The following ACBD3 variants were observed in gnomAD, a reference collection of about 807,000 sequenced individuals.
The protein encoded by ACBD3 is acyl-CoA binding domain containing 3.
Under a neutral mutation model 66.9 loss-of-function variants are expected in ACBD3, and 30 were observed. That is an observed-to-expected ratio of 0.45 (90% CI 0.34 to 0.61). The LOEUF is 0.61. ACBD3 is among the 20% of genes least tolerant of loss of function. The pLI is 0.02. For missense variants in ACBD3, 544 were observed against 664.5 expected, an observed-to-expected ratio of 0.82 and a Z score of 1.99; for synonymous variants, 278 against 259.8, an observed-to-expected ratio of 1.07 and a Z score of -0.68.
chr1:226,184,205 C>A (rs1656240365), intron 1 of ACBD3, among the ~76,000 whole-genome samples: 3 of 151,990 alleles, frequency 2.0e-5, no homozygotes, highest in Admixed American at 6.6e-5. Flanking sequence ...AAACAAAAAA[C>A]AAAACAAAGG....
rs1486374617 is a variant in ACBD3 at position 226,186,459 on chromosome 1, G to A, written c.217C>T (p.Arg73Trp). The A allele has an allele frequency of 2.0e-6, 3 of 1,504,454 alleles. No individual in the cohort carries two copies. The highest frequency in any genetic ancestry group is 5.9e-5 in the East Asian group (2 of 34,066). 93.2% of individuals were successfully genotyped at this position (1,504,454 alleles called of 1,614,324 possible). Residue 73 changes from arginine to tryptophan, a missense_variant, in exon 1 of 8, where the codon CGG (arginine) becomes TGG (tryptophan). By Grantham distance (101) the Arg-to-Trp change is moderately radical. Coordinates refer to ENST00000366812, the MANE Select transcript of ACBD3 (RefSeq NM_022735.4). ...AAAGGAAEEA[R>W]RLEQRWGFGL... ...AAACCCCAGCGCTGCTCCAGCCGCCGCGCCTCCTCCGCCGCGCCCCCAGCC... is the reference window on the plus strand; with the variant it reads ...AAACCCCAGCGCTGCTCCAGCCGCCACGCCTCCTCCGCCGCGCCCCCAGCC...
At chr1:226,152,192 G>T in intron 7 of ACBD3, 143 bp downstream of exon 7, 1 of 1,166,944 alleles carries the variant, frequency 8.6e-7, no homozygotes, top group Non-Finnish European at 1.2e-6. Context: ...AACATTTTCA[G>T]CCCAAGGTCC....
chr1:226,146,893 C>G, intron 7 of ACBD3, 72 bp from the exon 8 acceptor site: 1 of 1,440,176 alleles, frequency 6.9e-7, no homozygotes, highest in Middle Eastern at 1.8e-4. Flanking sequence ...TAAAATCTAT[C>G]CTTTCTTTTT....
chr1:226,162,935 T>G (rs1301947862), intron 3 of ACBD3, among the ~76,000 whole-genome samples: 1 of 152,096 alleles, frequency 6.6e-6, no homozygotes. Context: ...TAGCTGGAAT[T>G]ACAGGGACCT....
At chr1:226,151,875 T>A (rs973046100) in intron 7 of ACBD3, among the ~76,000 whole-genome samples, 2 of 151,956 alleles carry the variant, frequency 1.3e-5, no homozygotes, top group African/African-American at 4.8e-5. Flanking sequence ...GGCACAGTGG[T>A]GCGTGCCTGT....
At chr1:226,146,884 A>T in intron 7 of ACBD3, 63 bp from the exon 8 acceptor site, 1 of 1,460,214 alleles carries the variant, frequency 6.8e-7, no homozygotes, top group African/African-American at 1.4e-5. Context: ...TCAGGCAATT[A>T]AAATCTATCC....
At chr1:226,166,859 A>C (rs1659886492) in intron 1 of ACBD3, among the ~76,000 whole-genome samples, 1 of 152,158 alleles carries the variant, frequency 6.6e-6, no homozygotes, top group African/African-American at 2.4e-5. Context: ...CCATCTGTCA[A>C]GCTGCAGTCA....
intron 3 of ACBD3, among the ~76,000 whole-genome samples, chr1:226,163,698 T>C (rs1226761738): frequency 6.6e-6 from 1 of 152,212 alleles, no homozygotes; most frequent in Non-Finnish European, 1.5e-5. Context: ...CTGACTGCCA[T>C]GCTTTTATAA....
chr1:226,152,736 G>T, intron 6 of ACBD3, 117 bp from the exon 7 acceptor site: 1 of 1,008,080 alleles, frequency 9.9e-7, no homozygotes, highest in South Asian at 1.6e-5. Context: ...ATATGGTCTA[G>T]CTTAGATCAA....
In ACBD3 at chr1:226,172,155, C is replaced by CAAAAAAAAAAAAAAAAAAAAAAAA. The variant is rs779380166; in HGVS notation, c.287-6156_287-6155insTTTTTTTTTTTTTTTTTTTTTTTT. 6.9e-5 allele frequency among the ~76,000 whole-genome samples: 3 copies of CAAAAAAAAAAAAAAAAAAAAAAAA among 43,224 alleles called. 1 individual carries two copies. Among genetic ancestry groups the CAAAAAAAAAAAAAAAAAAAAAAAA allele is most frequent in the Non-Finnish European group, 8.4e-5 (2 of 23,814 alleles). The allele number at this position is 43,224 out of a possible 152,430, so 28.4% of individuals were successfully genotyped here. A position where few individuals can be genotyped will look rare whatever the true frequency, so the allele number is the denominator to read the frequency against. ...GGGAAACAAGAGCAAAACTCCATCTCAAAAAAAAAAAAAAAGAGGAATACA... is the reference window on the plus strand; with the variant it reads ...GGGAAACAAGAGCAAAACTCCATCTCAAAAAAAAAAAAAAAAAAAAAAAAAAAAAAAAAAAAAAAGAGGAATACA... On this transcript the variant is annotated intron_variant, in intron 1 of 7. Coordinates refer to ENST00000366812, the MANE Select transcript of ACBD3 (RefSeq NM_022735.4).
intron 7 of ACBD3, among the ~76,000 whole-genome samples, chr1:226,151,165 A>G (rs1419843786): frequency 6.6e-6 from 1 of 152,194 alleles, no homozygotes; most frequent in Non-Finnish European, 1.5e-5. Context: ...ACTTTCAATA[A>G]TATCTTTTTA....
rs566364351 is a variant in ACBD3 at position 226,186,686 on chromosome 1, T to G, written c.-11A>C. ...CAGCACCGCCGCCATCTCCGGCTGCTGCACCTCCTCAGCGGGGACAGACGG... is the reference window on the plus strand; with the variant it reads ...CAGCACCGCCGCCATCTCCGGCTGCGGCACCTCCTCAGCGGGGACAGACGG... On this transcript the variant is annotated 5_prime_UTR_variant, in exon 1 of 8. Transcript: ENST00000366812. The G allele has an allele frequency of 8.1e-6, 12 of 1,488,542 alleles. No homozygotes were observed. In the Admixed American group the frequency reaches 1.3e-4, roughly 16 times the overall value. The allele number at this position is 1,488,542 out of a possible 1,614,324, so 92.2% of individuals were successfully genotyped here.
In ACBD3 at chr1:226,167,714, T is replaced by C. The variant is rs1576236596; in HGVS notation, c.287-1714A>G. Reference sequence around the variant, plus strand: ...ATATGCTACTTATATGTCTCATTCATGTATATAGTGGTGAAATAAAATCAC... The same window carrying C: ...ATATGCTACTTATATGTCTCATTCACGTATATAGTGGTGAAATAAAATCAC... On this transcript the variant is annotated intron_variant, in intron 1 of 7. Transcript: ENST00000366812. Among the ~76,000 whole-genome samples the C allele has an allele frequency of 2.6e-5, 4 of 152,306 alleles. No individual in the cohort carries two copies. In the South Asian group the frequency reaches 8.3e-4, roughly 32 times the overall value.
chr1:226,176,453 T>C (rs1656037206), intron 1 of ACBD3, among the ~76,000 whole-genome samples: 1 of 143,388 alleles, frequency 7.0e-6, no homozygotes, highest in African/African-American at 2.6e-5. Flanking sequence ...AAAAAAAGCT[T>C]TCAGGTGCTC....
In ACBD3 at chr1:226,146,784, G is replaced by A; in HGVS notation, c.1413C>T (p.Ala471=). The A allele has an allele frequency of 6.2e-7, 1 of 1,614,058 alleles. No individual in the cohort carries two copies. The highest frequency in any genetic ancestry group is 2.2e-5 in the East Asian group (1 of 44,876). Residue 471 remains alanine (A), a synonymous_variant, in exon 8 of 8, where the codon GCC becomes GCT. Transcript: ENST00000366812. ...CAATCTCATCCAGCAAAGGCTTGTT[G>A]GCATTCTTTTTGGCTTTCTCTTCAC... ...IGCEEKAKKN[A]NKPLLDEIVP...
At chr1:226,183,560 C>G (rs569298962) in intron 1 of ACBD3, among the ~76,000 whole-genome samples, 6 of 152,130 alleles carry the variant, frequency 3.9e-5, no homozygotes, top group Non-Finnish European at 8.8e-5. Flanking sequence ...CCCAGCAAGA[C>G]TGACAAAACA....
At position 226,164,781 on chromosome 1, in the gene ACBD3, A is replaced by C. The variant is rs758324974; in HGVS notation, c.569+8T>G. 6.2e-7 allele frequency: 1 copy of C among 1,607,340 alleles called. No homozygotes were observed. The highest frequency in any genetic ancestry group is 8.5e-7 in the Non-Finnish European group (1 of 1,177,040). On this transcript the variant is annotated splice_region_variant and intron_variant, in intron 3 of 7. Coordinates refer to ENST00000366812, the MANE Select transcript of ACBD3 (RefSeq NM_022735.4). ...AGCAATAAAGTATTCCATGCCCTCA[A>C]ACTTCACCTTTTTTTTTCTTGCTCT...
intron 5 of ACBD3, among the ~76,000 whole-genome samples, chr1:226,156,403 C>T (rs1659671369): frequency 6.6e-6 from 1 of 152,124 alleles, no homozygotes; most frequent in Non-Finnish European, 1.5e-5. Context: ...AAGATAAAAT[C>T]TATCCATTCT....
Position 226,152,321 on chromosome 1 carries a change from AC to A in ACBD3, c.1375+13del. ...ACAACCCAGCAGCTACTGAATATGG[AC>A]CAAGGGTTCTACCTTCTTCCTCCTC... On this transcript the variant is annotated intron_variant, in intron 7 of 7. Coordinates refer to ENST00000366812, the MANE Select transcript of ACBD3 (RefSeq NM_022735.4). 1 of 1,612,704 alleles carries A rather than the reference AC, an allele frequency of 6.2e-7. No individual in the cohort carries two copies. The highest frequency in any genetic ancestry group is 8.5e-7 in the Non-Finnish European group (1 of 1,179,436).
Sources: gnomAD v4.1 joint callset for allele counts (sites outside exome capture counted in the v4.1 genomes callset) on GRCh38, gnomAD v4.1.1 for gene constraint, MANE v1.5 for transcripts, NCBI Gene and HGNC (gene_info 2026-07-23, HGNC 2026-07-21) for gene names.